Variants in GLG1 observed in about 807,000 individuals in gnomAD.
GLG1 encodes Golgi apparatus protein 1.
GLG1 carries 38 observed loss-of-function variants against 160.5 expected under a neutral mutation model. The observed-to-expected ratio is 0.24, with a 90% CI of 0.18 to 0.31. GLG1 has a LOEUF of 0.31. Ranked by LOEUF, GLG1 falls within the 10% of genes least tolerant of loss-of-function variation. The pLI is 1.00. For synonymous variants in GLG1, 644 were observed against 543.4 expected, an observed-to-expected ratio of 1.19 and a Z score of -2.57; for missense variants, 1,373 against 1,505.2, an observed-to-expected ratio of 0.91 and a Z score of 1.45.
In GLG1 at chr16:74,469,977, C is replaced by G; in HGVS notation, c.2318+8G>C. 5.9e-6 allele frequency: 9 copies of G among 1,520,644 alleles called. No homozygotes were observed. The highest frequency in any genetic ancestry group is 8.2e-6 in the Non-Finnish European group (9 of 1,094,596). 94.2% of individuals were successfully genotyped at this position (1,520,644 alleles called of 1,614,324 possible). ...GAAAGTGGAATGAAACAACTACAAG[C>G]TACATACTTCTTTTTTATGTTTGGG... On this transcript the variant is annotated splice_region_variant and intron_variant, in intron 16 of 25. Coordinates refer to ENST00000422840, the MANE Select transcript of GLG1 (RefSeq NM_001145667.2).
At chr16:74,493,287 A>G in intron 6 of GLG1, 147 bp from the exon 7 acceptor site, 2 of 560,660 alleles carry the variant, frequency 3.6e-6, no homozygotes, top group South Asian at 5.4e-5. Flanking sequence ...GTTTGGTTAA[A>G]ATGTTCACAA....
intron 17 of GLG1, chr16:74,468,224 G>GTTTTTTT (rs1395188789): frequency 3.0e-5 from 3 of 101,632 alleles, no homozygotes; most frequent in African/African-American, 1.3e-4. Flanking sequence ...AGCTTGAAAT[G>GTTTTTTT]TCTTTTTTTT....
intron 2 of GLG1, among the ~76,000 whole-genome samples, chr16:74,520,973 A>T (rs2143553549): frequency 6.6e-6 from 1 of 152,320 alleles, no homozygotes; most frequent in Non-Finnish European, 1.5e-5. Flanking sequence ...GGCACAAATT[A>T]TCAAGTAAAT....
intron 1 of GLG1, among the ~76,000 whole-genome samples, chr16:74,574,257 T>C (rs1325643409): frequency 2.0e-5 from 3 of 152,208 alleles, no homozygotes; most frequent in Non-Finnish European, 2.9e-5. Flanking sequence ...GTGTTCACAG[T>C]TGCAAGCATC....
intron 1 of GLG1, among the ~76,000 whole-genome samples, chr16:74,594,393 A>G (rs1276760701): frequency 1.3e-5 from 2 of 152,200 alleles, no homozygotes; most frequent in Non-Finnish European, 2.9e-5. Context: ...ACATTCAGTC[A>G]AACAAAACTT....
At chr16:74,466,383 T>C (rs2015001088) in intron 18 of GLG1, among the ~76,000 whole-genome samples, 1 of 152,204 alleles carries the variant, frequency 6.6e-6, no homozygotes, top group African/African-American at 2.4e-5. Context: ...AGGTAGTGAA[T>C]TAAGTATATC....
At chr16:74,571,741 C>T (rs1329624477) in intron 1 of GLG1, among the ~76,000 whole-genome samples, 2 of 152,108 alleles carry the variant, frequency 1.3e-5, no homozygotes. Context: ...GGGAAGATAG[C>T]CTAAGCCCAG....
intron 14 of GLG1, among the ~76,000 whole-genome samples, chr16:74,472,118 C>T (rs1222652167): frequency 6.6e-6 from 1 of 152,100 alleles, no homozygotes; most frequent in African/African-American, 2.4e-5. Flanking sequence ...GTTGCCCAGG[C>T]TGGTCTTGAA....
At chr16:74,546,722 C>T (rs2018055853) in intron 1 of GLG1, among the ~76,000 whole-genome samples, 1 of 151,500 alleles carries the variant, frequency 6.6e-6, no homozygotes, top group Admixed American at 6.6e-5. Context: ...CCTGTAATCC[C>T]CGCTACTTGG....
rs34125450 is a variant in GLG1 at position 74,479,051 on chromosome 16, CAA to C, written c.1827+1188_1827+1189del. On this transcript the variant is annotated intron_variant, in intron 11 of 25. Transcript: ENST00000422840. Reference sequence around the variant, plus strand: ...AGAAACCCCGTCTCTATTAAAAATCCAAAAAAAAAAAAAAAAAAAAAAAAAAA... The same window carrying C: ...AGAAACCCCGTCTCTATTAAAAATCCAAAAAAAAAAAAAAAAAAAAAAAAA... Among the ~76,000 whole-genome samples the C allele has an allele frequency of 3.1e-3, 54 of 17,576 alleles. 1 individual carries two copies. The highest frequency in any genetic ancestry group is 7.4e-3 in the African/African-American group (24 of 3,232). The allele number at this position is 17,576 out of a possible 152,430, so 11.5% of individuals were successfully genotyped here. A position where few individuals can be genotyped will look rare whatever the true frequency, so the allele number is the denominator to read the frequency against.
At chr16:74,587,457 G>C (rs950296481) in intron 1 of GLG1, among the ~76,000 whole-genome samples, 6 of 152,164 alleles carry the variant, frequency 3.9e-5, no homozygotes, top group African/African-American at 7.2e-5. Flanking sequence ...GGATCCCCTT[G>C]AATCTAATAA....
intron 1 of GLG1, among the ~76,000 whole-genome samples, chr16:74,581,508 T>C (rs891565810): frequency 7.1e-6 from 1 of 141,406 alleles, no homozygotes; most frequent in African/African-American, 2.7e-5. Context: ...TGTTATTTAA[T>C]GATTATGGAG....
rs752016004 is a variant in GLG1 at position 74,471,190 on chromosome 16, C to T, written c.2212G>A (p.Val738Ile). The T allele has an allele frequency of 1.6e-5, 26 of 1,603,218 alleles. No individual in the cohort carries two copies. In the East Asian group the frequency reaches 5.4e-4, roughly 33 times the overall value. Residue 738 changes from valine (V) to isoleucine (I), a missense_variant, in exon 15 of 26, where the codon GTT becomes ATT. Transcript: ENST00000422840. ...KDMNEKCAIG[V>I]THFQLVQMKD... ...TCACTGACCAGCTGGAAGTGGGTAA[C>T]TCCGATGGCACACTTCTCGTTCATG...
chr16:74,529,823 T>TG (rs1407461623), intron 2 of GLG1, among the ~76,000 whole-genome samples: 2 of 140,852 alleles, frequency 1.4e-5, no homozygotes, highest in East Asian at 2.1e-4. Context: ...TTTTTTTTTT[T>TG]TTTTTTTTTT....
chr16:74,485,954 C>T (rs370483611), intron 8 of GLG1, 37 bp from the exon 9 acceptor site: 2 of 1,572,368 alleles, frequency 1.3e-6, no homozygotes, highest in African/African-American at 1.4e-5. Context: ...GAAAGAAAGT[C>T]ACTTAGGTGC....
At chr16:74,527,420 T>C (rs970530316) in intron 2 of GLG1, among the ~76,000 whole-genome samples, 4 of 151,842 alleles carry the variant, frequency 2.6e-5, no homozygotes, top group Non-Finnish European at 5.9e-5. Flanking sequence ...CAACTAATTT[T>C]TATATTTTTA....
Position 74,469,917 on chromosome 16 carries a change from T to G in GLG1, c.2318+68A>C, listed in dbSNP as rs1382992260. 4 of 996,062 alleles carry G rather than the reference T, an allele frequency of 4.0e-6. No homozygotes were observed. The African/African-American group carries it at 4.8e-5, about 12-fold the overall frequency. 61.7% of individuals were successfully genotyped at this position (996,062 alleles called of 1,614,324 possible). ...GGCAGCAGGAGGGCTGCCTAACATC[T>G]CGCATACTCATTCCGGAGCTAAGAG... On this transcript the variant is annotated intron_variant, in intron 16 of 25. Coordinates refer to ENST00000422840, the MANE Select transcript of GLG1 (RefSeq NM_001145667.2).
At chr16:74,493,187 T>A in intron 6 of GLG1, 47 bp from the exon 7 acceptor site, 1 of 1,356,688 alleles carries the variant, frequency 7.4e-7, no homozygotes, top group Non-Finnish European at 1.0e-6. Flanking sequence ...CATGTAACTT[T>A]ACTGTTGACG....
At chr16:74,600,073 A>G (rs1315316140) in intron 1 of GLG1, among the ~76,000 whole-genome samples, 1 of 152,028 alleles carries the variant, frequency 6.6e-6, no homozygotes, top group Non-Finnish European at 1.5e-5. Flanking sequence ...ACAGAGAAAG[A>G]TAATCCAGTG....
Sources: gnomAD v4.1 joint callset for allele counts (sites outside exome capture counted in the v4.1 genomes callset) on GRCh38, gnomAD v4.1.1 for gene constraint, MANE v1.5 for transcripts, NCBI Gene and HGNC (gene_info 2026-07-23, HGNC 2026-07-21) for gene names.